POLDIP2: variants seen among roughly 807,000 people sequenced by gnomAD.
The protein encoded by POLDIP2 is polymerase delta-interacting protein 2.
Under a neutral mutation model 52.9 loss-of-function variants are expected in POLDIP2, and 32 were observed. The ratio of observed to expected loss-of-function variants is 0.61; its 90% CI spans 0.46 to 0.81. The LOEUF (loss-of-function observed/expected upper bound fraction) is 0.81, where lower values mean the gene tolerates loss of function less well. Ranked by LOEUF, POLDIP2 falls within the 40% of genes least tolerant of loss-of-function variation. The pLI is 0.00. For missense variants in POLDIP2, 371 were observed against 477.3 expected (o/e 0.78, Z 2.07); for synonymous variants, 183 against 183.0 (o/e 1.00, Z 0.00).
rs782474882 is a variant in POLDIP2 at position 28,357,267 on chromosome 17, C to A, written c.161+21G>T. 1.1e-5 allele frequency: 17 copies of A among 1,559,044 alleles called. No individual in the cohort carries two copies. In the Admixed American group the frequency reaches 2.1e-4, roughly 19 times the overall value. ...TGGGCTCCAGGCCCAGTTCCTCGCG[C>A]CCCCTGGCTCCGTCCCTCACCGGGA... On this transcript the variant is annotated intron_variant, in intron 1 of 10. Transcript: ENST00000540200.
intron 6 of POLDIP2, 98 bp downstream of exon 6, chr17:28,352,814 C>T (rs1907858347): frequency 1.4e-6 from 1 of 725,390 alleles, no homozygotes; most frequent in Non-Finnish European, 2.4e-6. Context: ...GCTGGGATTA[C>T]AGGCGTGAGC....
In POLDIP2 at chr17:28,357,498, C is replaced by G. The variant is rs782354938; in HGVS notation, c.-50G>C. The G allele has an allele frequency of 1.4e-6, 2 of 1,433,154 alleles. No individual in the cohort carries two copies. The highest frequency in any genetic ancestry group is 2.6e-5 in the East Asian group (1 of 38,076). The allele number at this position is 1,433,154 out of a possible 1,614,324, so 88.8% of individuals were successfully genotyped here. On this transcript the variant is annotated 5_prime_UTR_variant, in exon 1 of 11. Coordinates refer to ENST00000540200, the MANE Select transcript of POLDIP2 (RefSeq NM_015584.5). The stretch of plus-strand genomic sequence containing the variant: ...TGCTGACACAGAGCCCGACCCGCGG[C>G]CGGGCGGCGTTCCGCCCCAGTCCCA...
Position 28,357,505 on chromosome 17 carries a change from G to C in POLDIP2, c.-57C>G. 1.4e-6 allele frequency: 2 copies of C among 1,434,796 alleles called. No individual in the cohort carries two copies. Among genetic ancestry groups the C allele is most frequent in the Non-Finnish European group, 1.8e-6 (2 of 1,104,858 alleles). The allele number at this position is 1,434,796 out of a possible 1,614,324, so 88.9% of individuals were successfully genotyped here. ...ACAGAGCCCGACCCGCGGCCGGGCG[G>C]CGTTCCGCCCCAGTCCCACACTGCC... On this transcript the variant is annotated 5_prime_UTR_variant, in exon 1 of 11. Coordinates refer to ENST00000540200, the MANE Select transcript of POLDIP2 (RefSeq NM_015584.5).
intron 2 of POLDIP2, 105 bp from the exon 3 acceptor site, chr17:28,354,690 C>T: frequency 1.4e-6 from 1 of 711,898 alleles, no homozygotes; most frequent in Non-Finnish European, 2.6e-6. Flanking sequence ...AGCACAAGGT[C>T]TTGCTACCTC....
chr17:28,355,718 G>A (rs1555580775), intron 2 of POLDIP2, 77 bp downstream of exon 2: 1 of 968,660 alleles, frequency 1.0e-6, no homozygotes, highest in East Asian at 2.6e-5. Flanking sequence ...ATACCATGCA[G>A]GCCTGTGACC....
rs34881086 is a variant in POLDIP2 at position 28,349,133 on chromosome 17, C to T, written c.942G>A (p.Ala314=). The T allele has an allele frequency of 1.2e-3, 1,947 of 1,613,382 alleles. 26 individuals are homozygous for T. In the African/African-American group the frequency reaches 0.022, roughly 18 times the overall value. The change falls in exon 10 of 11, where the codon GCG becomes GCA. Residue 314 remains alanine, a synonymous_variant. Transcript: ENST00000540200. ...GCGAGACGTGGCTGCTATACTGGAA[C>T]GCAGGCTGCTCCTTGGATAACACTG... ...REPVLSKEQP[A]FQYSSHVSLQ... is the part of the protein sequence containing the mutation.
At position 28,357,404 on chromosome 17, in the gene POLDIP2, G is replaced by C; in HGVS notation, c.45C>G (p.Arg15=). ...TARRALAVGS[R]WWSRSLTGAR... ...CCCCAGTCAGCGACCGGGACCACCA[G>C]CGGCTGCCCACGGCCAGGGCCCGCC... The change falls in exon 1 of 11, where the codon CGC becomes CGG. Residue 15 remains arginine (R), a synonymous_variant. Coordinates refer to ENST00000540200, the MANE Select transcript of POLDIP2 (RefSeq NM_015584.5). The C allele has an allele frequency of 6.6e-7, 1 of 1,517,296 alleles. No individual in the cohort carries two copies. The highest frequency in any genetic ancestry group is 8.8e-7 in the Non-Finnish European group (1 of 1,142,424). The allele number at this position is 1,517,296 out of a possible 1,614,324, so 94.0% of individuals were successfully genotyped here.
chr17:28,352,239 T>TC (rs1907825183), intron 6 of POLDIP2, among the ~76,000 whole-genome samples: 2 of 128,004 alleles, frequency 1.6e-5, no homozygotes, highest in Admixed American at 1.6e-4. Context: ...AATTATTTCT[T>TC]TTTTTTTTTT....
At position 28,351,815 on chromosome 17, in the gene POLDIP2, A is replaced by C. The variant is rs782446574; in HGVS notation, c.623-15T>G. 1.6e-5 allele frequency: 25 copies of C among 1,611,682 alleles called. No individual in the cohort carries two copies. Among genetic ancestry groups the C allele is most frequent in the Admixed American group, 8.3e-5 (5 of 60,002 alleles). On this transcript the variant is annotated splice_polypyrimidine_tract_variant and intron_variant, in intron 6 of 10. Coordinates refer to ENST00000540200, the MANE Select transcript of POLDIP2 (RefSeq NM_015584.5). Reference sequence around the variant, plus strand: ...AAAAGGAGGTGCTGGGGCAAGATACAATTGGTTAGTCCAATTGTGTGTTGT... The same window carrying C: ...AAAAGGAGGTGCTGGGGCAAGATACCATTGGTTAGTCCAATTGTGTGTTGT...
chr17:28,355,530 C>T (rs1261813539), intron 2 of POLDIP2, among the ~76,000 whole-genome samples: 2 of 152,066 alleles, frequency 1.3e-5, no homozygotes, highest in Admixed American at 6.5e-5. Context: ...CTGCTTAAAC[C>T]CAGGAGGTGG....
In POLDIP2 at chr17:28,357,067, C is replaced by T. The variant is rs78773897; in HGVS notation, c.161+221G>A. On this transcript the variant is annotated intron_variant, in intron 1 of 10. Transcript: ENST00000540200. ...CTTGGGGAGGGTAACCTGTTCCCCC[C>T]CAGGGCCAGCCCTGTACAACCAGGG... Among the ~76,000 whole-genome samples the T allele has an allele frequency of 6.8e-3, 1,042 of 152,374 alleles. 15 individuals carry two copies. Among genetic ancestry groups the T allele is most frequent in the African/African-American group, 0.024 (994 of 41,596 alleles).
Position 28,349,104 on chromosome 17 carries a change from T to C in POLDIP2, c.971A>G (p.Gln324Arg). Reference sequence around the variant, plus strand: ...TCACCACATGTGCCCACTGGAAGCCTGCAGCGAGACGTGGCTGCTATACTG... The same window carrying C: ...TCACCACATGTGCCCACTGGAAGCCCGCAGCGAGACGTGGCTGCTATACTG... ...AFQYSSHVSL[Q>R]ASSGHMWGTF... Residue 324 changes from glutamine (Q) to arginine (R), a missense_variant, in exon 10 of 11, where the codon CAG (glutamine) becomes CGG (arginine). Gln to Arg is a conservative substitution (Grantham distance 43, BLOSUM62 1). Transcript: ENST00000540200. The C allele has an allele frequency of 6.2e-7, 1 of 1,613,140 alleles. No individual in the cohort carries two copies.
intron 2 of POLDIP2, 109 bp downstream of exon 2, chr17:28,355,686 A>ATTT: frequency 1.9e-6 from 1 of 513,310 alleles, no homozygotes; most frequent in Non-Finnish European, 3.5e-6. Context: ...ACCAAACATC[A>ATTT]AGGTGGAATG....
intron 1 of POLDIP2, among the ~76,000 whole-genome samples, chr17:28,356,470 C>T (rs1597803262): frequency 6.6e-6 from 1 of 152,164 alleles, no homozygotes; most frequent in South Asian, 2.1e-4. Flanking sequence ...CCATCTCCCC[C>T]TCTAACCTGT....
intron 3 of POLDIP2, 65 bp downstream of exon 3, chr17:28,354,423 C>T: frequency 8.9e-7 from 1 of 1,129,806 alleles, no homozygotes. Flanking sequence ...CCCTAGTACC[C>T]CAATTACATA....
In POLDIP2 at chr17:28,348,114, G is replaced by A; in HGVS notation, c.*3C>T. Reference sequence around the variant, plus strand: ...AGCCTGGGCACTTGGGGCCTCAGCTGGCCTACCAGTGAAGGCCTGAGGGTG... The same window carrying A: ...AGCCTGGGCACTTGGGGCCTCAGCTAGCCTACCAGTGAAGGCCTGAGGGTG... On this transcript the variant is annotated 3_prime_UTR_variant, in exon 11 of 11. Transcript: ENST00000540200. The A allele has an allele frequency of 6.3e-7, 1 of 1,586,632 alleles. No homozygotes were observed. The highest frequency in any genetic ancestry group is 8.7e-7 in the Non-Finnish European group (1 of 1,154,950).
rs55887815 is a variant in POLDIP2 at position 28,357,367 on chromosome 17, T to C, written c.82A>G (p.Arg28Gly). The change falls in exon 1 of 11, where the codon AGG becomes GGG. Residue 28 changes from arginine (R) to glycine (G), a missense_variant. Transcript: ENST00000540200. ...GCTCCGGCCGCCGCACAGAGCGGCC[T>C]TGGCCACCGGGCCCCAGTCAGCGAC... ...SRSLTGARWP[R>G]PLCAAAGAGA... 10 of 1,554,750 alleles carry C rather than the reference T, an allele frequency of 6.4e-6. No homozygotes were observed. In the East Asian group the frequency reaches 7.5e-5, roughly 12 times the overall value.
In POLDIP2 at chr17:28,357,513, C is replaced by T. The variant is rs530829445; in HGVS notation, c.-65G>A. 1.4e-6 allele frequency: 2 copies of T among 1,449,676 alleles called. No individual in the cohort carries two copies. The highest frequency in any genetic ancestry group is 2.9e-5 in the African/African-American group (2 of 69,386). The allele number at this position is 1,449,676 out of a possible 1,614,324, so 89.8% of individuals were successfully genotyped here. On this transcript the variant is annotated 5_prime_UTR_variant, in exon 1 of 11. Coordinates refer to ENST00000540200, the MANE Select transcript of POLDIP2 (RefSeq NM_015584.5). ...CGACCCGCGGCCGGGCGGCGTTCCG[C>T]CCCAGTCCCACACTGCCCCGCGCGG...
rs566071041 is a variant in POLDIP2 at position 28,351,416 on chromosome 17, G to T, written c.759+248C>A. ...ATTCTTCATAAACATGGCTCCCTTT[G>T]AGCAAGAGGGAAGAGACAGGATAAA... On this transcript the variant is annotated intron_variant, in intron 7 of 10. Transcript: ENST00000540200. 1.6e-4 allele frequency among the ~76,000 whole-genome samples: 25 copies of T among 152,170 alleles called. No individual in the cohort carries two copies. The East Asian group carries it at 3.9e-3, about 23-fold the overall frequency.
Sources: gnomAD v4.1 joint callset for allele counts (sites outside exome capture counted in the v4.1 genomes callset) on GRCh38, gnomAD v4.1.1 for gene constraint, MANE v1.5 for transcripts, NCBI Gene and HGNC (gene_info 2026-07-23, HGNC 2026-07-21) for gene names.